RAD54L2: variants seen among roughly 807,000 people sequenced by gnomAD.
The protein encoded by RAD54L2 is RAD54 like 2.
Under a neutral mutation model 138.4 loss-of-function variants are expected in RAD54L2, and 27 were observed. The ratio of observed to expected loss-of-function variants is 0.20; its 90% CI spans 0.14 to 0.27. The LOEUF (loss-of-function observed/expected upper bound fraction) is 0.27. Ranked by LOEUF, RAD54L2 falls within the 10% of genes least tolerant of loss-of-function variation. RAD54L2 has a pLI of 1.00. For synonymous variants in RAD54L2, 644 were observed against 723.2 expected, an observed-to-expected ratio of 0.89 and a Z score of 1.76; for missense variants, 1,396 against 1,890.2, an observed-to-expected ratio of 0.74 and a Z score of 4.85.
In RAD54L2 at chr3:51,643,723, C is replaced by T. The variant is rs1701199973; in HGVS notation, c.2351-152C>T. Among the ~76,000 whole-genome samples, 5 of 152,352 alleles carry T rather than the reference C, an allele frequency of 3.3e-5. No homozygotes were observed. The South Asian group carries it at 1.0e-3, about 32-fold the overall frequency. ...TCAAATTATAGATGCCTGGGCCTTA[C>T]TTACTGTAGACCCATGATACGTCCA... On this transcript the variant is annotated intron_variant, in intron 15 of 22. Coordinates refer to ENST00000684192, the MANE Select transcript of RAD54L2 (RefSeq NM_015106.4).
Position 51,662,860 on chromosome 3 carries a change from C to T in RAD54L2, c.3844C>T (p.Gln1282Ter). ...SRKGHLPAPVQPYEHGYPVSG... is the reference protein window; with the variant it reads ...SRKGHLPAPV ...GAAGGGTCATCTGCCAGCCCCCGTG[C>T]AGCCGTATGAACACGGGTATCCAGT... Residue 1282 changes from glutamine (Q) to a stop codon, truncating the protein, a stop_gained, in exon 23 of 23, where the codon CAG becomes TAG. Transcript: ENST00000684192. LOFTEE classifies it high-confidence loss of function. This position sits in a 1 kb window ranked among gnomAD's most constrained non-coding sequence, Gnocchi z 4.6. 1 of 1,613,608 alleles carries T rather than the reference C, an allele frequency of 6.2e-7. No individual in the cohort carries two copies. Among genetic ancestry groups the T allele is most frequent in the Non-Finnish European group, 8.5e-7 (1 of 1,179,804 alleles).
At chr3:51,574,344 C>T (rs1314940614) in intron 2 of RAD54L2, among the ~76,000 whole-genome samples, 11 of 152,126 alleles carry the variant, frequency 7.2e-5, no homozygotes, top group Non-Finnish European at 1.6e-4. Context: ...GATTTATAAT[C>T]CTTTGGGTAT....
intron 3 of RAD54L2, among the ~76,000 whole-genome samples, chr3:51,613,866 G>T (rs1008895531): frequency 6.6e-6 from 1 of 152,188 alleles, no homozygotes; most frequent in Admixed American, 6.5e-5. Context: ...TTCGCAACTG[G>T]GAATGATTTG....
chr3:51,661,272 G>T (rs1019360607), intron 22 of RAD54L2, among the ~76,000 whole-genome samples: 1 of 152,042 alleles, frequency 6.6e-6, no homozygotes, highest in Non-Finnish European at 1.5e-5. Context: ...AATTTTCTTT[G>T]TTTTTTTAAA....
intron 4 of RAD54L2, among the ~76,000 whole-genome samples, chr3:51,628,171 C>G (rs181968840): frequency 7.8e-4 from 119 of 152,260 alleles, no homozygotes; most frequent in African/African-American, 2.8e-3. Flanking sequence ...AAGCAAGACT[C>G]CTTCTAAGAG....
intron 19 of RAD54L2, among the ~76,000 whole-genome samples, chr3:51,649,661 G>T (rs1176123877): frequency 6.6e-6 from 1 of 152,162 alleles, no homozygotes; most frequent in Non-Finnish European, 1.5e-5. Context: ...TTAATGAAAA[G>T]AATTTTCAAC....
At chr3:51,626,577 T>C (rs994879022) in intron 3 of RAD54L2, among the ~76,000 whole-genome samples, 1 of 150,886 alleles carries the variant, frequency 6.6e-6, no homozygotes, top group Non-Finnish European at 1.5e-5. Flanking sequence ...CCCGAGTAGC[T>C]GGGATTACAG....
chr3:51,607,770 G>A (rs578235808), intron 3 of RAD54L2, among the ~76,000 whole-genome samples: 1 of 141,316 alleles, frequency 7.1e-6, no homozygotes, highest in East Asian at 2.3e-4. Flanking sequence ...CGGGCAGAGG[G>A]GCCCCCCACC....
Position 51,663,308 on chromosome 3 carries a change from T to C in RAD54L2, c.4292T>C (p.Leu1431Pro). 6.2e-7 allele frequency: 1 copy of C among 1,613,916 alleles called. No individual in the cohort carries two copies. The highest frequency in any genetic ancestry group is 1.3e-5 in the African/African-American group (1 of 74,992). Residue 1431 changes from leucine (L) to proline (P), a missense_variant, in exon 23 of 23, where the codon CTC becomes CCC. Leu to Pro is a moderately conservative substitution (Grantham distance 98). Coordinates refer to ENST00000684192, the MANE Select transcript of RAD54L2 (RefSeq NM_015106.4). ...SPHAGYPAGGLLRSQVPPFDS... is the reference protein window; with the variant it reads ...SPHAGYPAGGPLRSQVPPFDS... ...CATGCAGGCTACCCAGCTGGTGGCC[T>C]CCTACGGTCCCAGGTGCCTCCATTT...
At chr3:51,636,331 T>C (rs1050920902) in intron 10 of RAD54L2, among the ~76,000 whole-genome samples, 1 of 152,224 alleles carries the variant, frequency 6.6e-6, no homozygotes, top group African/African-American at 2.4e-5. Context: ...AGAAGTCTCT[T>C]CATCTATGAG....
At chr3:51,575,382 G>A (rs1202865594) in intron 2 of RAD54L2, among the ~76,000 whole-genome samples, 5 of 152,060 alleles carry the variant, frequency 3.3e-5, no homozygotes, top group African/African-American at 4.8e-5. Flanking sequence ...CCAATTCTGT[G>A]AAGAAAGTCA....
intron 2 of RAD54L2, among the ~76,000 whole-genome samples, chr3:51,588,309 A>T (rs1180926408): frequency 6.7e-6 from 1 of 150,088 alleles, no homozygotes; most frequent in African/African-American, 2.5e-5. Context: ...CTGAGGCGGG[A>T]GGATCACCTG....
intron 7 of RAD54L2, among the ~76,000 whole-genome samples, chr3:51,632,598 TAA>T (rs1287912202): frequency 6.8e-6 from 1 of 147,268 alleles, no homozygotes; most frequent in Non-Finnish European, 1.5e-5. Flanking sequence ...CCTGGCCTGT[TAA>T]AGAGTTCTTA....
chr3:51,538,815 C>CCCGCCT lies in RAD54L2; in HGVS notation c.-211_-206dup, dbSNP rs1402748132. ...GCTGCTTCCCGCCTCAGCCGCCGCC[C>CCCGCCT]CCGCCTCCGCCGCCGCAGACTTTGC... On this transcript the variant is annotated 5_prime_UTR_variant, in exon 1 of 23. Coordinates refer to ENST00000684192, the MANE Select transcript of RAD54L2 (RefSeq NM_015106.4). Among the ~76,000 whole-genome samples, 3 of 151,916 alleles carry CCCGCCT rather than the reference C, an allele frequency of 2.0e-5. No individual in the cohort carries two copies. The highest frequency in any genetic ancestry group is 4.4e-5 in the Non-Finnish European group (3 of 67,944).
intron 3 of RAD54L2, among the ~76,000 whole-genome samples, chr3:51,598,663 G>A (rs1027560800): frequency 2.0e-5 from 3 of 152,166 alleles, no homozygotes; most frequent in African/African-American, 7.2e-5. Flanking sequence ...GGCTGAGGCA[G>A]GAGAATTGCT....
chr3:51,577,094 C>T (rs1258996701), intron 2 of RAD54L2, among the ~76,000 whole-genome samples: 8 of 152,144 alleles, frequency 5.3e-5, no homozygotes, highest in African/African-American at 9.7e-5. Flanking sequence ...GCCTTCATTT[C>T]GTTATGTACC....
chr3:51,600,242 C>T (rs1298243398), intron 3 of RAD54L2, among the ~76,000 whole-genome samples: 1 of 152,044 alleles, frequency 6.6e-6, no homozygotes, highest in South Asian at 2.1e-4. Flanking sequence ...GCACCTGGCC[C>T]CAAGTAACTT....
chr3:51,633,961 C>T lies in RAD54L2; in HGVS notation c.1068C>T (p.Ala356=), dbSNP rs1700913182. ...ACATGTGGCTTCCACCTCCTGAAGC[C>T]CTCCCGGCTGACAACAAGCCTGAAG... ...EFNMWLPPPE[A]LPADNKPEEV... is the part of the protein sequence containing the mutation. Residue 356 remains alanine, a synonymous_variant, in exon 9 of 23, where the codon GCC becomes GCT. Coordinates refer to ENST00000684192, the MANE Select transcript of RAD54L2 (RefSeq NM_015106.4). 1 of 1,613,810 alleles carries T rather than the reference C, an allele frequency of 6.2e-7. No homozygotes were observed. Among genetic ancestry groups the T allele is most frequent in the African/African-American group, 1.3e-5 (1 of 74,904 alleles).
intron 2 of RAD54L2, among the ~76,000 whole-genome samples, chr3:51,572,491 G>A (rs1206551497): frequency 3.4e-5 from 5 of 149,162 alleles, no homozygotes; most frequent in African/African-American, 9.9e-5. Flanking sequence ...GGTGATTCAC[G>A]CCTGTAATCC....
Sources: gnomAD v4.1 joint callset for allele counts (sites outside exome capture counted in the v4.1 genomes callset) on GRCh38, gnomAD v4.1.1 for gene constraint, Gnocchi (gnomAD v3.1) non-coding constraint, MANE v1.5 for transcripts, NCBI Gene and HGNC (gene_info 2026-07-23, HGNC 2026-07-21) for gene names.